Variants in ZNF800 observed in about 807,000 individuals in gnomAD.
ZNF800 encodes zinc finger protein 800.
In ZNF800, 13 loss-of-function variants were observed where a neutral mutation model predicts 59.5. The observed-to-expected ratio is 0.22, with a 90% CI of 0.14 to 0.35. The LOEUF is 0.35. Ranked by LOEUF, ZNF800 falls within the 10% of genes least tolerant of loss-of-function variation. ZNF800 has a pLI of 1.00. For missense variants in ZNF800, 621 were observed against 783.7 expected (o/e 0.79, Z 2.48); for synonymous variants, 266 against 265.7 (o/e 1.00, Z -0.01).
chr7:127,378,714 A>AAC (rs1800861645), intron 3 of ZNF800, among the ~76,000 whole-genome samples: 2 of 84,260 alleles, frequency 2.4e-5, no homozygotes, highest in South Asian at 5.0e-4. Context: ...CCACCCCCAC[A>AAC]ACATACACAC....
downstream of ZNF800, among the ~76,000 whole-genome samples, chr7:127,343,208 TAAGG>T (rs1451276288): frequency 6.6e-6 from 1 of 151,326 alleles, no homozygotes; most frequent in Non-Finnish European, 1.5e-5. Flanking sequence ...ACATTAAAAA[TAAGG>T]AAGGAATTAA....
At chr7:127,344,581 A>G (rs1314109341), downstream of ZNF800, among the ~76,000 whole-genome samples, 1 of 152,136 alleles carries the variant, frequency 6.6e-6, no homozygotes, top group Admixed American at 6.5e-5. Context: ...AAAAAAGAAG[A>G]GTAACATTTA....
At chr7:127,343,294 C>G (rs1800000681), downstream of ZNF800, among the ~76,000 whole-genome samples, 2 of 151,194 alleles carry the variant, frequency 1.3e-5, no homozygotes, top group Non-Finnish European at 3.0e-5. Context: ...GTGCTGGTTC[C>G]TTAAAAAGAC....
At chr7:127,391,997 G>A (rs1364431898) in intron 1 of ZNF800, 63 bp downstream of exon 1, 3 of 384,544 alleles carry the variant, frequency 7.8e-6, no homozygotes, top group Non-Finnish European at 1.4e-5. Context: ...CTCCCGCTAC[G>A]CACGTGCGTT....
Position 127,392,259 on chromosome 7 carries a change from C to A in ZNF800, c.-258G>T. On this transcript the variant is annotated 5_prime_UTR_variant, in exon 1 of 6. Transcript: ENST00000265827. ...CTGACGCGGAAGCGCCACAGCTCAC[C>A]ACGTCCCTCCGCGGGCCGAGACGAC... 2.5e-6 allele frequency: 1 copy of A among 393,286 alleles called. No individual in the cohort carries two copies. The highest frequency in any genetic ancestry group is 1.3e-4 in the South Asian group (1 of 7,810). The allele number at this position is 393,286 out of a possible 1,614,324, so 24.4% of individuals were successfully genotyped here. A position where few individuals can be genotyped will look rare whatever the true frequency, so the allele number is the denominator to read the frequency against.
intron 1 of ZNF800, chr7:127,349,926 TTA>T (rs1800139535): frequency 6.6e-6 from 1 of 152,208 alleles, no homozygotes; most frequent in South Asian, 2.1e-4. Context: ...GGAGTCCCTA[TTA>T]TGTCTCCTGC....
chr7:127,362,800 G>C (rs1179725831), intron 1 of ZNF800: 1 of 152,116 alleles, frequency 6.6e-6, no homozygotes, highest in African/African-American at 2.4e-5. Context: ...TGAAAGATAA[G>C]TAAATTAGTC....
At chr7:127,355,380 C>G (rs1800250238) in intron 1 of ZNF800, among the ~76,000 whole-genome samples, 1 of 152,032 alleles carries the variant, frequency 6.6e-6, no homozygotes, top group African/African-American at 2.4e-5. Flanking sequence ...CAGGGTAAAA[C>G]TGCTAGCCTT....
chr7:127,389,948 T>G (rs1801255401), intron 2 of ZNF800, among the ~76,000 whole-genome samples: 1 of 148,296 alleles, frequency 6.7e-6, no homozygotes. Context: ...TAATCACAAA[T>G]TAGCTTATTT....
chr7:127,378,781 T>C (rs1587445582), intron 3 of ZNF800, among the ~76,000 whole-genome samples: 2 of 151,288 alleles, frequency 1.3e-5, no homozygotes, highest in African/African-American at 4.9e-5. Context: ...CATTCAAAAC[T>C]CTACTGCAAA....
chr7:127,344,565 AT>A (rs1265737307), downstream of ZNF800, among the ~76,000 whole-genome samples: 2 of 152,132 alleles, frequency 1.3e-5, no homozygotes, highest in East Asian at 3.8e-4. Context: ...ATAGCCAAAA[AT>A]ATTTAAAAAA....
chr7:127,350,792 G>A (rs747322210), intron 1 of ZNF800, among the ~76,000 whole-genome samples: 1 of 152,192 alleles, frequency 6.6e-6, no homozygotes, highest in Non-Finnish European at 1.5e-5. Flanking sequence ...GCACAATGAC[G>A]TGCAGCAATC....
chr7:127,356,226 T>C (rs1394659139), intron 1 of ZNF800, among the ~76,000 whole-genome samples: 1 of 151,882 alleles, frequency 6.6e-6, no homozygotes, highest in Non-Finnish European at 1.5e-5. Context: ...ATTCAAGATA[T>C]TTGTTATTAC....
chr7:127,350,878 TTTC>T (rs1183849055), intron 1 of ZNF800, among the ~76,000 whole-genome samples: 3 of 152,180 alleles, frequency 2.0e-5, no homozygotes, highest in African/African-American at 7.2e-5. Context: ...GAGTGCAATT[TTTC>T]TTCTTCCATT....
At position 127,373,479 on chromosome 7, in the gene ZNF800, T is replaced by C. The variant is rs748343975; in HGVS notation, c.1857A>G (p.Arg619=). The change falls in exon 5 of 6, where the codon AGA becomes AGG. Residue 619 remains arginine (R), a synonymous_variant. Transcript: ENST00000265827. The stretch of plus-strand genomic sequence containing the variant: ...CAAATGCCTTTCCACATTTATTGCA[T>C]CTGTGAAGAGAAAAGTTTTTTGTGA... ...VKVTKNFSLH[R]CNKCGKAFAK... The C allele has an allele frequency of 1.2e-6, 2 of 1,614,178 alleles. No individual in the cohort carries two copies. The highest frequency in any genetic ancestry group is 2.2e-5 in the South Asian group (2 of 91,082).
downstream of ZNF800, among the ~76,000 whole-genome samples, chr7:127,346,546 G>C (rs1800067428): frequency 6.6e-6 from 1 of 152,202 alleles, no homozygotes; most frequent in Non-Finnish European, 1.5e-5. Flanking sequence ...ACAGAATCTA[G>C]ACTAAGCAAG....
At chr7:127,380,272 C>G (rs1263208969) in intron 3 of ZNF800, among the ~76,000 whole-genome samples, 1 of 152,064 alleles carries the variant, frequency 6.6e-6, no homozygotes, top group East Asian at 1.9e-4. Flanking sequence ...ATTCTTGATG[C>G]TCACCGCTAC....
At chr7:127,376,092 G>T (rs10249162) in intron 4 of ZNF800, among the ~76,000 whole-genome samples, 96,226 of 151,372 alleles carry the variant, frequency 0.64, 30,949 homozygotes, top group East Asian at 0.86. Flanking sequence ...GATTTGAAAT[G>T]AATCTCTAGA....
chr7:127,372,663 T>C (rs1293805254), intron 5 of ZNF800: 1 of 984,976 alleles, frequency 1.0e-6, no homozygotes, highest in Non-Finnish European at 1.2e-6. Context: ...ATTGTTTCCA[T>C]AGATCAAAAC....
Sources: allele counts gnomAD v4.1 joint callset (sites outside exome capture counted in the v4.1 genomes callset), GRCh38; gene constraint gnomAD v4.1.1; transcripts MANE v1.5; gene names NCBI Gene and HGNC (gene_info 2026-07-23, HGNC 2026-07-21).